Variants in RPL3L observed in about 807,000 individuals in gnomAD.
RPL3L encodes ribosomal protein L3 like, also known as ribosomal protein uL3-like.
A neutral mutation model predicts 44.5 loss-of-function variants in RPL3L; 44 were observed. The observed-to-expected ratio is 0.99, with a 90% CI of 0.78 to 1.27. RPL3L has a LOEUF of 1.27. Ranked by LOEUF, RPL3L falls within the 50% of genes most tolerant of loss-of-function variation. The pLI is 0.00. For missense variants in RPL3L, 631 were observed against 569.1 expected, an observed-to-expected ratio of 1.11 and a Z score of -1.11; for synonymous variants, 292 against 230.7, an observed-to-expected ratio of 1.27 and a Z score of -2.41.
chr16:1,944,933 T>G (rs2083109323), intron 9 of RPL3L, 40 bp from the exon 10 acceptor site: 1 of 1,459,092 alleles, frequency 6.9e-7, no homozygotes, highest in Non-Finnish European at 9.4e-7. Context: ...TTAGTCACTC[T>G]GGCCAGAAAC....
chr16:1,948,014 T>G (rs2083137890), intron 4 of RPL3L, among the ~76,000 whole-genome samples: 1 of 148,210 alleles, frequency 6.7e-6, no homozygotes, highest in African/African-American at 2.5e-5. Context: ...CTCGGCTCAC[T>G]GCAAGCTCTG....
At chr16:1,953,106 G>C in intron 2 of RPL3L, 64 bp from the exon 3 acceptor site, 1 of 1,516,400 alleles carries the variant, frequency 6.6e-7, no homozygotes, top group South Asian at 1.3e-5. Flanking sequence ...GGAGGGAGTG[G>C]AGAGCCGCCC....
At position 1,947,046 on chromosome 16, in the gene RPL3L, G is replaced by A; in HGVS notation, c.741C>T (p.Gly247=). The change falls in exon 6 of 10, where the codon GGC becomes GGT. Residue 247 remains glycine, a synonymous_variant. Transcript: ENST00000268661. ...TKKLPRKTHK[G]LRKVACIGAW... is the part of the protein sequence containing the mutation. ...CGCCAATGCAGGCCACCTTGCGCAG[G>A]CCCTTATGGGTCTTCCGCGGCAGCT... 15 of 1,613,224 alleles carry A rather than the reference G, an allele frequency of 9.3e-6. No individual in the cohort carries two copies. Among genetic ancestry groups the A allele is most frequent in the Middle Eastern group, 1.7e-4 (1 of 6,026 alleles).
intron 3 of RPL3L, among the ~76,000 whole-genome samples, chr16:1,951,252 G>A (rs2083170389): frequency 6.6e-6 from 1 of 152,224 alleles, no homozygotes; most frequent in African/African-American, 2.4e-5. Flanking sequence ...GCTCAGAGAA[G>A]GCGGCTGGCC....
chr16:1,953,860 C>T, intron 2 of RPL3L, 96 bp downstream of exon 2: 1 of 1,260,934 alleles, frequency 7.9e-7, no homozygotes, highest in Non-Finnish European at 1.0e-6. Context: ...CTCCCTGGGA[C>T]TGTGGCCCTG....
chr16:1,945,895 G>C lies in RPL3L; in HGVS notation c.987C>G (p.Asp329Glu). The C allele has an allele frequency of 6.2e-7, 1 of 1,613,626 alleles. No individual in the cohort carries two copies. Among genetic ancestry groups the C allele is most frequent in the Non-Finnish European group, 8.5e-7 (1 of 1,179,836 alleles). ...CAATACAACCCTTCAGCATGACGAAGTCGTTGTTCACTTCCCCGTAGTGGG... is the reference window on the plus strand; with the variant it reads ...CAATACAACCCTTCAGCATGACGAACTCGTTGTTCACTTCCCCGTAGTGGG... ...GFPHYGEVNN[D>E]FVMLKGCIAG... Residue 329 changes from aspartate to glutamate, a missense_variant, in exon 8 of 10, where the codon GAC (aspartate) becomes GAG (glutamate). Asp to Glu is a conservative substitution (Grantham distance 45, BLOSUM62 2). Coordinates refer to ENST00000268661, the MANE Select transcript of RPL3L (RefSeq NM_005061.3).
chr16:1,944,752 C>T lies in RPL3L; in HGVS notation c.*85G>A, dbSNP rs1012982779. 4 of 1,584,952 alleles carry T rather than the reference C, an allele frequency of 2.5e-6. No individual in the cohort carries two copies. Among genetic ancestry groups the T allele is most frequent in the African/African-American group, 1.3e-5 (1 of 74,304 alleles). The stretch of plus-strand genomic sequence containing the variant: ...GGGCGGTTACACAGCGCTCTGAGAC[C>T]TCGCAGGAAGAGTCGCCTCCGGCCT... On this transcript the variant is annotated 3_prime_UTR_variant, in exon 10 of 10. Transcript: ENST00000268661.
intron 3 of RPL3L, among the ~76,000 whole-genome samples, chr16:1,952,166 A>C (rs1303838801): frequency 6.7e-6 from 1 of 150,034 alleles, no homozygotes; most frequent in African/African-American, 2.5e-5. Flanking sequence ...ACGGGTTTTC[A>C]CCATGTTGGC....
Position 1,948,367 on chromosome 16 carries a change from G to A in RPL3L, c.502-987C>T, listed in dbSNP as rs563874103. Among the ~76,000 whole-genome samples the A allele has an allele frequency of 5.9e-5, 9 of 152,104 alleles. 1 individual carries two copies. In the South Asian group the frequency reaches 1.5e-3, roughly 25 times the overall value. On this transcript the variant is annotated intron_variant, in intron 4 of 9. Coordinates refer to ENST00000268661, the MANE Select transcript of RPL3L (RefSeq NM_005061.3). ...GCTTCTTGAGTAACTGGGATTACAG[G>A]TGTGTGCCACCATGCCCGGCTAATT...
chr16:1,954,122 C>G lies in RPL3L; in HGVS notation c.30G>C (p.Arg10=). Residue 10 remains arginine, a synonymous_variant, in exon 2 of 10, where the codon CGG becomes CGC. Transcript: ENST00000268661. ...GGGGCAGGAAGCCCAGGTGTCCGTG[C>G]CGAGGGGCGGAAAACTTCCGGTGGG... MSHRKFSAP[R]HGHLGFLPHK... 1.3e-6 allele frequency: 2 copies of G among 1,594,070 alleles called. No individual in the cohort carries two copies. The highest frequency in any genetic ancestry group is 1.7e-6 in the Non-Finnish European group (2 of 1,171,014).
chr16:1,954,203 G>T, intron 1 of RPL3L, 55 bp from the exon 2 acceptor site: 1 of 1,470,660 alleles, frequency 6.8e-7, no homozygotes, highest in Non-Finnish European at 9.1e-7. Context: ...TGGTAGAGCT[G>T]GATGGTCCCA....
rs372240992 is a variant in RPL3L at position 1,947,102 on chromosome 16, T to C, written c.689-4A>G. 1.1e-5 allele frequency: 18 copies of C among 1,613,368 alleles called. No homozygotes were observed. The African/African-American group carries it at 2.3e-4, about 20-fold the overall frequency. ...GTATGCCAGCGGCTTGTGACCCCTG[T>C]GAGTGAGAGGGGCTGGTGGCTGAGA... On this transcript the variant is annotated splice_polypyrimidine_tract_variant and splice_region_variant and intron_variant, in intron 5 of 9. Transcript: ENST00000268661.
Position 1,953,999 on chromosome 16 carries a change from C to G in RPL3L, c.153G>C (p.Ala51=), listed in dbSNP as rs779727034. 2 of 1,598,036 alleles carry G rather than the reference C, an allele frequency of 1.3e-6. No individual in the cohort carries two copies. The highest frequency in any genetic ancestry group is 1.7e-6 in the Non-Finnish European group (2 of 1,170,920). ...VHLTAFLGYK[A]GMTHTLREVH... is the part of the protein sequence containing the mutation. Reference sequence around the variant, plus strand: ...CCTCCCGCAGGGTGTGGGTCATGCCCGCCTTGTAGCCCAGGAAGGCCGTGA... The same window carrying G: ...CCTCCCGCAGGGTGTGGGTCATGCCGGCCTTGTAGCCCAGGAAGGCCGTGA... The change falls in exon 2 of 10, where the codon GCG becomes GCC. Residue 51 remains alanine (A), a synonymous_variant. Transcript: ENST00000268661.
In RPL3L at chr16:1,946,807, T is replaced by TGGTGGGCGGCATC. The variant is rs2083124533; in HGVS notation, c.850-82_850-81insGATGCCGCCCACC. The TGGTGGGCGGCATC allele has an allele frequency of 4.4e-6, 7 of 1,583,586 alleles. 1 individual carries two copies. The highest frequency in any genetic ancestry group is 1.9e-4 in the Middle Eastern group (1 of 5,374). ...CATCCAGGCCCATCCGCCCACATGC[T>TGGTGGGCGGCATC]CAGACTCAGTGCTGGTGGGGGCATC... On this transcript the variant is annotated intron_variant, in intron 6 of 9. Coordinates refer to ENST00000268661, the MANE Select transcript of RPL3L (RefSeq NM_005061.3).
chr16:1,950,906 G>C lies in RPL3L; in HGVS notation c.439C>G (p.Gln147Glu), dbSNP rs758052886. The C allele has an allele frequency of 6.2e-7, 1 of 1,614,092 alleles. No homozygotes were observed. Among genetic ancestry groups the C allele is most frequent in the Non-Finnish European group, 8.5e-7 (1 of 1,179,974 alleles). The change falls in exon 4 of 10, where the codon CAG becomes GAG. Residue 147 changes from glutamine to glutamate, a missense_variant. Physicochemically the swap from Gln to Glu is conservative, Grantham distance 29 (BLOSUM62 2). Transcript: ENST00000268661. ...WRDTDGKKQLQKDFAAMKKYC... is the reference protein window; with the variant it reads ...WRDTDGKKQLEKDFAAMKKYC... ...TTCTTCATGGCGGCGAAGTCCTTCT[G>C]TAGCTGCTTTTTCCCGTCTGTGTCC...
chr16:1,948,391 T>C (rs936007341), intron 4 of RPL3L, among the ~76,000 whole-genome samples: 4 of 149,334 alleles, frequency 2.7e-5, no homozygotes, highest in Admixed American at 6.6e-5. Context: ...GCCCGGCTAA[T>C]TTTTTTGTAT....
rs2083182024 is a variant in RPL3L at position 1,953,004 on chromosome 16, C to T, written c.235G>A (p.Val79Ile). 1.2e-6 allele frequency: 2 copies of T among 1,608,898 alleles called. No individual in the cohort carries two copies. The highest frequency in any genetic ancestry group is 1.7e-5 in the Admixed American group (1 of 58,902). The change falls in exon 3 of 10, where the codon GTA becomes ATA. Residue 79 changes from valine (V) to isoleucine (I), a missense_variant. Transcript: ENST00000268661. ...KREEVEAVTI[V>I]ETPPLVVVGV... ...ACCACCACTAGGGGCGGCGTTTCTA[C>T]AATTGTCACCGCCTCCACCTCCTCC...
At chr16:1,954,227 G>C (rs970094120) in intron 1 of RPL3L, 79 bp from the exon 2 acceptor site, 3 of 1,351,390 alleles carry the variant, frequency 2.2e-6, no homozygotes, top group African/African-American at 1.5e-5. Context: ...CCCATACCTG[G>C]AGAAATGGAC....
Position 1,947,324 on chromosome 16 carries a change from G to A in RPL3L, c.558C>T (p.Asn186=), listed in dbSNP as rs776348164. 24 of 1,603,154 alleles carry A rather than the reference G, an allele frequency of 1.5e-5. No homozygotes were observed. Among genetic ancestry groups the A allele is most frequent in the South Asian group, 5.5e-5 (5 of 90,630 alleles). ...KKAHIMEIQL[N]GGTVAEKVAW... is the part of the protein sequence containing the mutation. ...CCACCTTCTCGGCCACCGTGCCACC[G>A]TTCAGCTGGATCTCCATGATGTGGG... is the stretch of plus-strand genomic sequence containing the variant. The change falls in exon 5 of 10, where the codon AAC becomes AAT. Residue 186 remains asparagine, a synonymous_variant. Coordinates refer to ENST00000268661, the MANE Select transcript of RPL3L (RefSeq NM_005061.3).
Sources: gnomAD v4.1 joint callset for allele counts (sites outside exome capture counted in the v4.1 genomes callset) on GRCh38, gnomAD v4.1.1 for gene constraint, MANE v1.5 for transcripts, NCBI Gene and HGNC (gene_info 2026-07-23, HGNC 2026-07-21) for gene names.